The following MACF1 variants were observed in gnomAD, a reference collection of about 807,000 sequenced individuals.
The protein encoded by MACF1 is microtubule-actin cross-linking factor 1.
A neutral mutation model predicts 854.8 loss-of-function variants in MACF1; 193 were observed. The ratio of observed to expected loss-of-function variants is 0.23; its 90% CI spans 0.20 to 0.25. The LOEUF is 0.25. Ranked by LOEUF, MACF1 falls within the 10% of genes least tolerant of loss-of-function variation. The pLI, the probability that MACF1 is intolerant of heterozygous loss-of-function variation, is 1.00. For missense variants in MACF1, 7,722 were observed against 8,929.1 expected (o/e 0.86, Z 5.45); for synonymous variants, 3,185 against 3,226.7 (o/e 0.99, Z 0.44).
At chr1:39,314,634 T>C (rs1646377105) in intron 26 of MACF1, among the ~76,000 whole-genome samples, 1 of 148,556 alleles carries the variant, frequency 6.7e-6, no homozygotes, top group Non-Finnish European at 1.5e-5. Context: ...TGTCTCCCCA[T>C]CCAGTTCCCA....
intron 99 of MACF1, among the ~76,000 whole-genome samples, chr1:39,481,486 T>C (rs1645010358): frequency 6.6e-6 from 1 of 152,136 alleles, no homozygotes; most frequent in South Asian, 2.1e-4. Flanking sequence ...CCAGGGTGGT[T>C]GGTATTGCCA....
At chr1:39,465,416 A>G (rs1403113935) in intron 95 of MACF1, among the ~76,000 whole-genome samples, 2 of 152,268 alleles carry the variant, frequency 1.3e-5, no homozygotes, top group African/African-American at 2.4e-5. Flanking sequence ...CAGATTACCA[A>G]ATAGCACAGT....
At chr1:39,290,423 G>A (rs906221994) in intron 15 of MACF1, among the ~76,000 whole-genome samples, 1 of 152,052 alleles carries the variant, frequency 6.6e-6, no homozygotes, top group African/African-American at 2.4e-5. Flanking sequence ...TATGCTATTT[G>A]GTTACTATAG....
At chr1:39,148,965 A>G (rs1643519701) in intron 2 of MACF1, among the ~76,000 whole-genome samples, 1 of 152,094 alleles carries the variant, frequency 6.6e-6, no homozygotes, top group Admixed American at 6.6e-5. Flanking sequence ...GGTTTTATAC[A>G]TTGGAATGAT....
In MACF1 at chr1:39,322,677, C is replaced by T. The variant is rs771527845; in HGVS notation, c.4099C>T (p.Arg1367Cys). Residue 1367 changes from arginine to cysteine, a missense_variant, in exon 32 of 101, where the codon CGT (arginine) becomes TGT (cysteine). Transcript: ENST00000564288. ...GCAGCAGAAATCCCCTGGCAAGCGC[C>T]GTCGCATGCTTTCCTCTTCAGATGC... ...ESQQKSPGKR[R>C]RMLSSSDAIT... The T allele has an allele frequency of 6.2e-6, 10 of 1,614,090 alleles. No homozygotes were observed. The highest frequency in any genetic ancestry group is 5.0e-5 in the Admixed American group (3 of 60,010).
chr1:39,427,842 C>A, intron 62 of MACF1, 119 bp from the exon 63 acceptor site: 1 of 968,878 alleles, frequency 1.0e-6, no homozygotes. Flanking sequence ...TTATTTTTGC[C>A]TTTCAGTCGG....
At chr1:39,267,011 G>C (rs937713210) in intron 6 of MACF1, among the ~76,000 whole-genome samples, 1 of 152,116 alleles carries the variant, frequency 6.6e-6, no homozygotes, top group African/African-American at 2.4e-5. Context: ...CTTTGATTGA[G>C]CTCTTGGTCC....
rs775388443 is a variant in MACF1, at chr1:39,292,753, C to A, written c.1915-13C>A. On this transcript the variant is annotated splice_polypyrimidine_tract_variant and intron_variant, in intron 16 of 100. Coordinates refer to ENST00000564288, the MANE Select transcript of MACF1 (RefSeq NM_001394062.1). The stretch of plus-strand genomic sequence containing the variant: ...TTCTCTAATGTATTTTTATTTCATT[C>A]TTTTTTAATCAGGGAAAGATGTCCC... 2.5e-6 allele frequency: 4 copies of A among 1,586,510 alleles called. No homozygotes were observed. The African/African-American group carries it at 5.4e-5, about 21-fold the overall frequency.
chr1:39,138,124 TC>T (rs1398985127), intron 2 of MACF1, among the ~76,000 whole-genome samples: 1 of 151,364 alleles, frequency 6.6e-6, no homozygotes, highest in Non-Finnish European at 1.5e-5. Flanking sequence ...AGCTTTAATT[TC>T]TATTTCAACA....
chr1:39,287,615 A>T, intron 15 of MACF1, 53 bp downstream of exon 15: 1 of 1,593,944 alleles, frequency 6.3e-7, no homozygotes, highest in Non-Finnish European at 8.6e-7. Flanking sequence ...CTGGATCTGG[A>T]AGCTTATCTA....
At chr1:39,372,253 T>G (rs1211785088) in intron 51 of MACF1, among the ~76,000 whole-genome samples, 3 of 152,246 alleles carry the variant, frequency 2.0e-5, no homozygotes, top group Non-Finnish European at 2.9e-5. Flanking sequence ...AATCTGAGCT[T>G]CTGGTTTTAG....
In MACF1 at chr1:39,370,031, G is replaced by A. The variant is rs1308022076; in HGVS notation, c.12940G>A (p.Glu4314Lys). 1.2e-6 allele frequency: 2 copies of A among 1,609,792 alleles called. No homozygotes were observed. Among genetic ancestry groups the A allele is most frequent in the East Asian group, 4.5e-5 (2 of 44,828 alleles). ...GTAACAAAACTGCTTCATTGACAGAGAGAAAGATGCATCATCTTGCCAGGA... is the reference window on the plus strand; with the variant it reads ...GTAACAAAACTGCTTCATTGACAGAAAGAAAGATGCATCATCTTGCCAGGA... Reference protein sequence around the residue: ...TELQKTVKEREKDASSCQEQL... With the variant: ...TELQKTVKERKKDASSCQEQL... Residue 4314 changes from glutamate (E) to lysine (K), a missense_variant and splice_region_variant, in exon 51 of 101, where the codon GAG (glutamate) becomes AAG (lysine). This residue lies in a region of MACF1 where 2,807 missense variants were observed against 3,235.8 expected (regional missense o/e 0.87). Transcript: ENST00000564288.
At chr1:39,159,900 G>A (rs1203061043) in intron 2 of MACF1, among the ~76,000 whole-genome samples, 3 of 152,022 alleles carry the variant, frequency 2.0e-5, no homozygotes, top group Admixed American at 6.5e-5. Context: ...TGGCAGACAG[G>A]GTGTGGGCAG....
intron 95 of MACF1, 110 bp from the exon 96 acceptor site, chr1:39,468,505 T>C: frequency 1.2e-6 from 1 of 823,536 alleles, no homozygotes; most frequent in Non-Finnish European, 1.9e-6. Flanking sequence ...TTAACAATTC[T>C]TCTGTAGCTA....
intron 2 of MACF1, among the ~76,000 whole-genome samples, chr1:39,192,535 A>G (rs925677069): frequency 5.3e-5 from 8 of 152,230 alleles, no homozygotes; most frequent in African/African-American, 9.7e-5. Context: ...GTTGCCTTCT[A>G]TGTTACAGGT....
intron 2 of MACF1, among the ~76,000 whole-genome samples, chr1:39,127,836 T>C (rs1304578544): frequency 6.6e-6 from 1 of 151,774 alleles, no homozygotes. Context: ...AGATGTGAGA[T>C]GTTGTAAGTT....
Position 39,453,796 on chromosome 1 carries a change from T to G in MACF1, c.20832T>G (p.Asp6944Glu), listed in dbSNP as rs1325966190. 1 of 1,614,070 alleles carries G rather than the reference T, an allele frequency of 6.2e-7. No individual in the cohort carries two copies. Among genetic ancestry groups the G allele is most frequent in the African/African-American group, 1.3e-5 (1 of 74,928 alleles). The part of the protein sequence containing the change: ...GEVILAVCHP[D>E]CITTIKHWIT... ...TCATCCTGGCTGTCTGCCACCCCGA[T>G]TGCATCACAACCATCAAACACTGGA... Residue 6944 changes from aspartate to glutamate, a missense_variant, in exon 88 of 101, where the codon GAT becomes GAG. Physicochemically the swap from Asp to Glu is conservative, Grantham distance 45. This residue lies in a region of MACF1 where 729 missense variants were observed against 900.5 expected (regional missense o/e 0.81). Transcript: ENST00000564288.
At chr1:39,096,183 CAA>C (rs35710100) in intron 2 of MACF1, among the ~76,000 whole-genome samples, 68 of 117,370 alleles carry the variant, frequency 5.8e-4, no homozygotes, top group Admixed American at 8.5e-4. Context: ...GACCCTGTCT[CAA>C]AAAAAAAAAA....
At chr1:39,185,782 G>T (rs2148239502) in intron 2 of MACF1, among the ~76,000 whole-genome samples, 1 of 152,236 alleles carries the variant, frequency 6.6e-6, no homozygotes, top group South Asian at 2.1e-4. Context: ...CTTTCCGGGG[G>T]CTTAGTTAGC....
Sources: gnomAD v4.1 joint callset for allele counts (sites outside exome capture counted in the v4.1 genomes callset) on GRCh38, gnomAD v4.1.1 for gene constraint, gnomAD v4.1.1 regional missense constraint, MANE v1.5 for transcripts, NCBI Gene and HGNC (gene_info 2026-07-23, HGNC 2026-07-21) for gene names.